Variants in KCNN2 observed in about 807,000 individuals in gnomAD.
KCNN2 encodes the protein potassium calcium-activated channel subfamily N member 2.
KCNN2 carries 24 observed loss-of-function variants against 55.5 expected under a neutral mutation model. That is an observed-to-expected ratio of 0.43 (90% CI 0.31 to 0.61). The LOEUF (loss-of-function observed/expected upper bound fraction) is 0.61, where lower values mean the gene tolerates loss of function less well. KCNN2 is among the 20% of genes least tolerant of loss of function. The pLI, the probability that KCNN2 is intolerant of heterozygous loss-of-function variation, is 0.08. For missense variants in KCNN2, 754 were observed against 853.6 expected (o/e 0.88, Z 1.45); for synonymous variants, 431 against 336.1 (o/e 1.28, Z -3.09).
intron 2 of KCNN2, among the ~76,000 whole-genome samples, chr5:114,288,766 C>G (rs564943234): frequency 6.6e-6 from 1 of 151,962 alleles, no homozygotes; most frequent in Non-Finnish European, 1.5e-5. Context: ...AGAATAAACC[C>G]TTGTTAGATA....
Position 114,206,764 on chromosome 5 carries a change from T to C in KCNN2, c.-270-14716T>C, listed in dbSNP as rs1306282236. Among the ~76,000 whole-genome samples, 11 of 33,262 alleles carry C rather than the reference T, an allele frequency of 3.3e-4. No individual in the cohort carries two copies. In the South Asian group the frequency reaches 8.1e-3, roughly 24 times the overall value. The allele number at this position is 33,262 out of a possible 152,430, so 21.8% of individuals were successfully genotyped here. A position where few individuals can be genotyped will look rare whatever the true frequency, so the allele number is the denominator to read the frequency against. On this transcript the variant is annotated intron_variant, in intron 1 of 10. Coordinates refer to the KCNN2 transcript ENST00000512097. ...TGCCTGTGGAATACCCTGGTACTTC[T>C]TTTTTTTTTTGTCCAGGGAGTAGAT...
At chr5:114,364,546 T>A (rs901990612) in intron 2 of KCNN2, among the ~76,000 whole-genome samples, 18 of 152,078 alleles carry the variant, frequency 1.2e-4, no homozygotes, top group African/African-American at 4.3e-4. Context: ...GAATGCAAAT[T>A]CTGTGTATCC....
chr5:114,354,802 T>C (rs956486811), intron 2 of KCNN2, among the ~76,000 whole-genome samples: 1 of 152,188 alleles, frequency 6.6e-6, no homozygotes, highest in African/African-American at 2.4e-5. Context: ...TTGTCTAGCA[T>C]ATATCTGTTG....
intron 1 of KCNN2, among the ~76,000 whole-genome samples, chr5:114,219,142 A>G (rs1426496784): frequency 1.3e-5 from 2 of 152,214 alleles, no homozygotes; most frequent in South Asian, 2.1e-4. Context: ...AGCAGCATCC[A>G]GGCAGGGGTG....
chr5:114,162,185 G>C (rs913391348), intron 1 of KCNN2, among the ~76,000 whole-genome samples: 4 of 152,092 alleles, frequency 2.6e-5, no homozygotes, highest in African/African-American at 9.7e-5. Flanking sequence ...TTTTTGGTGT[G>C]GATGTCCTTT....
chr5:114,216,909 C>T (rs796143082), intron 1 of KCNN2, among the ~76,000 whole-genome samples: 2 of 152,158 alleles, frequency 1.3e-5, no homozygotes, highest in African/African-American at 4.8e-5. Flanking sequence ...GCAATTATAG[C>T]AAGGTTGCAG....
intron 1 of KCNN2, among the ~76,000 whole-genome samples, chr5:114,121,264 T>C (rs1048769491): frequency 2.0e-5 from 3 of 152,198 alleles, no homozygotes; most frequent in African/African-American, 7.2e-5. Flanking sequence ...GGACTCTGGT[T>C]TCAAAGGGTA....
intron 2 of KCNN2, among the ~76,000 whole-genome samples, chr5:114,303,856 T>A (rs1007828948): frequency 2.0e-5 from 3 of 152,068 alleles, no homozygotes; most frequent in African/African-American, 7.2e-5. Flanking sequence ...TATTATAGAG[T>A]AGATTCAGAA....
chr5:114,075,515 T>C (rs900738012), intron 1 of KCNN2, among the ~76,000 whole-genome samples: 1 of 152,244 alleles, frequency 6.6e-6, no homozygotes, highest in African/African-American at 2.4e-5. Context: ...TCACCTTATT[T>C]ACTTGGCAAT....
exon 1 of KCNN2, chr5:114,056,489 T>A: frequency 5.0e-6 from 2 of 398,588 alleles, no homozygotes; most frequent in Non-Finnish European, 8.8e-6. Flanking sequence ...GGACTCCTGG[T>A]TGCAGAACGA....
chr5:114,238,657 C>T (rs2112612242), intron 2 of KCNN2, among the ~76,000 whole-genome samples: 1 of 152,002 alleles, frequency 6.6e-6, no homozygotes, highest in East Asian at 1.9e-4. Context: ...TTGTTCTCTA[C>T]TGTATTGAAA....
intron 3 of KCNN2, among the ~76,000 whole-genome samples, chr5:114,411,733 GCCAGGATGGTGCTCAC>G (rs1227140896): frequency 6.6e-6 from 1 of 152,148 alleles, no homozygotes; most frequent in African/African-American, 2.4e-5. Flanking sequence ...CTAGCCCCCA[GCCAGGATGGTGCTCAC>G]CCACGTTGAG....
Position 114,496,193 on chromosome 5 carries a change from G to A in KCNN2, c.*11G>A. ...TCAGAGAGTAGCTAGAAGAGAATAAGTTAACCACAAAATAAGACTTTTTGC... is the reference window on the plus strand; with the variant it reads ...TCAGAGAGTAGCTAGAAGAGAATAAATTAACCACAAAATAAGACTTTTTGC... On this transcript the variant is annotated 3_prime_UTR_variant, in exon 8 of 8. Transcript: ENST00000673685. 3 of 1,611,340 alleles carry A rather than the reference G, an allele frequency of 1.9e-6. No individual in the cohort carries two copies. In the East Asian group the frequency reaches 6.7e-5, roughly 36 times the overall value.
chr5:114,366,667 G>C (rs1242699770), intron 2 of KCNN2, among the ~76,000 whole-genome samples: 2 of 151,988 alleles, frequency 1.3e-5, no homozygotes, highest in African/African-American at 4.8e-5. Flanking sequence ...AACTGCTCAG[G>C]CTTATGTATA....
intron 1 of KCNN2, among the ~76,000 whole-genome samples, chr5:114,063,363 C>T (rs1437291167): frequency 6.6e-6 from 1 of 152,158 alleles, no homozygotes; most frequent in Non-Finnish European, 1.5e-5. Flanking sequence ...ATGATTTTGC[C>T]ATATGTGGGA....
chr5:114,306,511 C>G (rs1756274699), intron 2 of KCNN2, among the ~76,000 whole-genome samples: 2 of 152,054 alleles, frequency 1.3e-5, no homozygotes, highest in South Asian at 4.1e-4. Context: ...AAAAATGATT[C>G]ATGCTTTACT....
chr5:114,094,115 C>T (rs1315900733), intron 1 of KCNN2, among the ~76,000 whole-genome samples: 2 of 151,870 alleles, frequency 1.3e-5, no homozygotes, highest in African/African-American at 4.8e-5. Flanking sequence ...TTTGTTTTGC[C>T]TTATTTATGG....
chr5:114,357,762 G>C (rs1460150201), upstream of KCNN2, among the ~76,000 whole-genome samples: 10 of 146,708 alleles, frequency 6.8e-5, no homozygotes, highest in Non-Finnish European at 1.5e-4. Context: ...ATAAACATAC[G>C]TGTGCATGTG....
chr5:114,210,353 A>G (rs1753858254), intron 1 of KCNN2, among the ~76,000 whole-genome samples: 1 of 152,174 alleles, frequency 6.6e-6, no homozygotes, highest in Non-Finnish European at 1.5e-5. Context: ...TTGAGCTGTC[A>G]AGGAAAATGT....
Sources: gnomAD v4.1 joint callset for allele counts (sites outside exome capture counted in the v4.1 genomes callset) on GRCh38, gnomAD v4.1.1 for gene constraint, MANE v1.5 for transcripts, NCBI Gene and HGNC (gene_info 2026-07-23, HGNC 2026-07-21) for gene names.